The following BCKDK variants were observed in gnomAD, a reference collection of about 807,000 sequenced individuals.
BCKDK encodes branched chain keto acid dehydrogenase kinase, also known as branched-chain alpha-ketoacid dehydrogenase kinase.
In BCKDK, 28 loss-of-function variants were observed where a neutral mutation model predicts 43.9. The ratio of observed to expected loss-of-function variants is 0.64; its 90% CI spans 0.47 to 0.87. The LOEUF (loss-of-function observed/expected upper bound fraction) is 0.87, where lower values mean the gene tolerates loss of function less well. BCKDK is among the 40% of genes least tolerant of loss of function. The pLI is 0.00. For synonymous variants in BCKDK, 257 were observed against 234.3 expected (o/e 1.10, Z -0.88); for missense variants, 483 against 581.4 (o/e 0.83, Z 1.74).
rs2057409287 is a variant in BCKDK at position 31,111,145 on chromosome 16, T to C, written c.771T>C (p.His257=). ...GNAPRVRING[H]VAARFPFIPM... ...CGCCCCGTGTCCGCATCAATGGCCA[T>C]GTGGCTGCCCGGTTCCCCTTCATCC... Residue 257 remains histidine (H), a synonymous_variant, in exon 9 of 12, where the codon CAT becomes CAC. Transcript: ENST00000219794. 5.6e-6 allele frequency: 9 copies of C among 1,614,074 alleles called. No homozygotes were observed. The highest frequency in any genetic ancestry group is 7.6e-6 in the Non-Finnish European group (9 of 1,180,040).
intron 10 of BCKDK, 141 bp downstream of exon 10, chr16:31,111,530 T>A: frequency 1.0e-6 from 1 of 988,908 alleles, no homozygotes; most frequent in Non-Finnish European, 1.5e-6. Flanking sequence ...CTCTGAATCC[T>A]GAGATGGCCA....
chr16:31,114,534 TGA>T (rs1386686928), downstream of BCKDK, among the ~76,000 whole-genome samples: 2 of 152,096 alleles, frequency 1.3e-5, no homozygotes, highest in East Asian at 3.9e-4. Context: ...TTGTAACCTC[TGA>T]GAGACCCATC....
chr16:31,109,687 C>CTCCA lies in BCKDK; in HGVS notation c.279_280insTCCA (p.Leu94SerfsTer35), dbSNP rs746246063. On this transcript the variant is annotated frameshift_variant, in exon 4 of 12. Coordinates refer to ENST00000219794, the MANE Select transcript of BCKDK (RefSeq NM_005881.4). LOFTEE classifies it high-confidence loss of function. The surrounding 1 kb of genome is among the most constrained non-coding windows in gnomAD (Gnocchi z 5.3). ...TTTTCTCCCAGAAAAGTGCTCGGTA[C>CTCCA]CTGCAGCAAGAACTTCCAGTGAGGA... 6.2e-7 allele frequency: 1 copy of CTCCA among 1,614,066 alleles called. No individual in the cohort carries two copies. Among genetic ancestry groups the CTCCA allele is most frequent in the South Asian group, 1.1e-5 (1 of 91,090 alleles).
rs141282419 is a variant in BCKDK at position 31,109,781 on chromosome 16, G to A, written c.373G>A (p.Val125Met). ...TGGCTGCAACCCCACCATACTGCAC[G>A]TGGTAAGGTAGAGAGGACCTTAGGT... is the stretch of plus-strand genomic sequence containing the variant. ...IIGCNPTILH[V>M]HELYIRAFQK... The change falls in exon 4 of 12, where the codon GTG becomes ATG. Residue 125 changes from valine to methionine, a missense_variant and splice_region_variant. Val to Met is a conservative substitution (Grantham distance 21). Transcript: ENST00000219794. The surrounding 1 kb of genome is among the most constrained non-coding windows in gnomAD (Gnocchi z 5.3). 161 of 1,613,498 alleles carry A rather than the reference G, an allele frequency of 1.0e-4. No individual in the cohort carries two copies. The highest frequency in any genetic ancestry group is 1.3e-4 in the Non-Finnish European group (156 of 1,179,910).
At chr16:31,111,749 G>A in intron 10 of BCKDK, 120 bp from the exon 11 acceptor site, 1 of 1,363,838 alleles carries the variant, frequency 7.3e-7, no homozygotes, top group Non-Finnish European at 1.0e-6. Context: ...GGGTCTAGGT[G>A]GACCACATTC....
At chr16:31,113,021 G>A (rs181786552), downstream of BCKDK, among the ~76,000 whole-genome samples, 224 of 152,344 alleles carry the variant, frequency 1.5e-3, 4 homozygotes, top group Middle Eastern at 0.014. Flanking sequence ...CCCTAGCAGG[G>A]ACTGGGTGCC....
chr16:31,109,370 C>A lies in BCKDK; in HGVS notation c.147C>A (p.Thr49=). ...AGATGGCTCGGGAGCGCTCCAAGAC[C>A]GTCACCTCCTTTTACAACCAGTCGG... ...HVEMARERSK[T]VTSFYNQSAI... Residue 49 remains threonine, a synonymous_variant, in exon 2 of 12, where the codon ACC becomes ACA. Transcript: ENST00000219794. The surrounding 1 kb of genome is among the most constrained non-coding windows in gnomAD (Gnocchi z 5.3). The A allele has an allele frequency of 6.2e-7, 1 of 1,608,902 alleles. No individual in the cohort carries two copies. Among genetic ancestry groups the A allele is most frequent in the Admixed American group, 1.7e-5 (1 of 59,650 alleles).
chr16:31,110,796 T>A lies in BCKDK; in HGVS notation c.716+35T>A. 3 of 1,599,144 alleles carry A rather than the reference T, an allele frequency of 1.9e-6. No individual in the cohort carries two copies. The highest frequency in any genetic ancestry group is 2.6e-6 in the Non-Finnish European group (3 of 1,166,468). On this transcript the variant is annotated intron_variant, in intron 8 of 11. Transcript: ENST00000219794. The surrounding 1 kb of genome is among the most constrained non-coding windows in gnomAD (Gnocchi z 5.4). Reference sequence around the variant, plus strand: ...GAATGGCTCAGGGGGTGGGCAGACATCTGGGGCAGGGAAGGCTTGGGTCTG... The same window carrying A: ...GAATGGCTCAGGGGGTGGGCAGACAACTGGGGCAGGGAAGGCTTGGGTCTG...
chr16:31,109,838 G>C lies in BCKDK; in HGVS notation c.375+55G>C, dbSNP rs2057395787. On this transcript the variant is annotated intron_variant, in intron 4 of 11. Coordinates refer to ENST00000219794, the MANE Select transcript of BCKDK (RefSeq NM_005881.4). This position sits in a 1 kb window ranked among gnomAD's most constrained non-coding sequence, Gnocchi z 5.3. The stretch of plus-strand genomic sequence containing the variant: ...GCCACCCTGCCCCGGGGGCAAGTGG[G>C]GAGTCTGGGGCCCAGAGTGGCAGAC... The C allele has an allele frequency of 6.4e-7, 1 of 1,565,410 alleles. No individual in the cohort carries two copies. The highest frequency in any genetic ancestry group is 1.4e-5 in the African/African-American group (1 of 73,918).
rs1017225853 is a variant in BCKDK, at chr16:31,109,449, G to A, written c.195+31G>A. 1 of 1,613,276 alleles carries A rather than the reference G, an allele frequency of 6.2e-7. No homozygotes were observed. The highest frequency in any genetic ancestry group is 8.5e-7 in the Non-Finnish European group (1 of 1,179,670). On this transcript the variant is annotated intron_variant, in intron 2 of 11. Transcript: ENST00000219794. This position sits in a 1 kb window ranked among gnomAD's most constrained non-coding sequence, Gnocchi z 5.3. ...CAAGGGGGCAGCCAGCCCAGGGTCC[G>A]GGATGTAGGCGGGAGGGAGAGTGTT...
In BCKDK at chr16:31,109,394, G is replaced by A; in HGVS notation, c.171G>A (p.Ser57=). The A allele has an allele frequency of 3.1e-6, 5 of 1,607,528 alleles. No homozygotes were observed. The highest frequency in any genetic ancestry group is 2.2e-5 in the South Asian group (2 of 90,790). ...SKTVTSFYNQ[S]AIDAAAEKPS... ...CCGTCACCTCCTTTTACAACCAGTC[G>A]GCCATCGACGCGGCAGCGGAGAAGG... The change falls in exon 2 of 12, where the codon TCG becomes TCA. Residue 57 remains serine (S), a synonymous_variant. Coordinates refer to ENST00000219794, the MANE Select transcript of BCKDK (RefSeq NM_005881.4). The surrounding 1 kb of genome is among the most constrained non-coding windows in gnomAD (Gnocchi z 5.3).
In BCKDK at chr16:31,112,027, G is replaced by A. The variant is rs758812308; in HGVS notation, c.1094G>A (p.Gly365Asp). Residue 365 changes from glycine to aspartate, a missense_variant and splice_region_variant, in exon 11 of 12, where the codon GGC (glycine) becomes GAC (aspartate). By Grantham distance (94) the Gly-to-Asp change is moderately conservative. Transcript: ENST00000219794. This position sits in a 1 kb window ranked among gnomAD's most constrained non-coding sequence, Gnocchi z 5.0. ...HSGAQSGPMH[G>D]FGFGLPTSRA... ...GGCGCCCAGTCAGGACCCATGCACG[G>A]GTGAGACCCTGCCAGGCCAGGATGG... The A allele has an allele frequency of 6.2e-7, 1 of 1,614,036 alleles. No individual in the cohort carries two copies.
chr16:31,113,971 G>A (rs1225700851), downstream of BCKDK, among the ~76,000 whole-genome samples: 1 of 152,218 alleles, frequency 6.6e-6, no homozygotes, highest in East Asian at 1.9e-4. Context: ...TTGAAGGTAA[G>A]AGAGCTAAAC....
chr16:31,110,496 C>T lies in BCKDK; in HGVS notation c.639C>T (p.Asp213=). ...LATHHLALHE[D]KPDFVGIICT... is the part of the protein sequence containing the mutation. ...CGCATCACCTGGCGCTGCATGAGGA[C>T]AAGGTGGGGCTCTGGGACCTGAGAC... Residue 213 remains aspartate (D), a synonymous_variant, in exon 7 of 12, where the codon GAC becomes GAT. Transcript: ENST00000219794. The surrounding 1 kb of genome is among the most constrained non-coding windows in gnomAD (Gnocchi z 5.4). The T allele has an allele frequency of 6.2e-7, 1 of 1,613,760 alleles. No individual in the cohort carries two copies. Among genetic ancestry groups the T allele is most frequent in the South Asian group, 1.1e-5 (1 of 91,078 alleles).
chr16:31,111,964 G>A lies in BCKDK; in HGVS notation c.1031G>A (p.Arg344Gln), dbSNP rs546815456. Reference sequence around the variant, plus strand: ...GCTGAGGCCAGCACACAGGACCCCCGGATCAGCCCCCTCTTTGGCCATCTG... The same window carrying A: ...GCTGAGGCCAGCACACAGGACCCCCAGATCAGCCCCCTCTTTGGCCATCTG... Reference protein sequence around the residue: ...TTAEASTQDPRISPLFGHLDM... With the variant: ...TTAEASTQDPQISPLFGHLDM... Residue 344 changes from arginine (R) to glutamine (Q), a missense_variant, in exon 11 of 12, where the codon CGG becomes CAG. Coordinates refer to ENST00000219794, the MANE Select transcript of BCKDK (RefSeq NM_005881.4). The A allele has an allele frequency of 5.0e-6, 8 of 1,613,964 alleles. No individual in the cohort carries two copies. The highest frequency in any genetic ancestry group is 4.4e-5 in the South Asian group (4 of 91,092).
In BCKDK at chr16:31,109,313, C is replaced by A; in HGVS notation, c.90C>A (p.Arg30=). ...LLGPALALRA[R]STSATDTHHV... is the part of the protein sequence containing the mutation. ...GACCCGCACTCGCGCTCCGGGCCCGCTCGACGTCGGCCACCGACACACACC... is the reference window on the plus strand; with the variant it reads ...GACCCGCACTCGCGCTCCGGGCCCGATCGACGTCGGCCACCGACACACACC... Residue 30 remains arginine (R), a synonymous_variant, in exon 2 of 12, where the codon CGC becomes CGA. Coordinates refer to ENST00000219794, the MANE Select transcript of BCKDK (RefSeq NM_005881.4). This position sits in a 1 kb window ranked among gnomAD's most constrained non-coding sequence, Gnocchi z 5.3. 1 of 1,608,244 alleles carries A rather than the reference C, an allele frequency of 6.2e-7. No individual in the cohort carries two copies. Among genetic ancestry groups the A allele is most frequent in the Non-Finnish European group, 8.5e-7 (1 of 1,177,420 alleles).
In BCKDK at chr16:31,109,984, A is replaced by C; in HGVS notation, c.376-93A>C. ...TGGGGGTTTGATCACGTGGTCGACCAGCTGGGTGGTGATCCCCATGGGTAG... is the reference window on the plus strand; with the variant it reads ...TGGGGGTTTGATCACGTGGTCGACCCGCTGGGTGGTGATCCCCATGGGTAG... On this transcript the variant is annotated intron_variant, in intron 4 of 11. Transcript: ENST00000219794. This position sits in a 1 kb window ranked among gnomAD's most constrained non-coding sequence, Gnocchi z 5.3. 1 of 1,561,306 alleles carries C rather than the reference A, an allele frequency of 6.4e-7. No homozygotes were observed.
At chr16:31,117,522 T>A, downstream of BCKDK, 1 of 522,272 alleles carries the variant, frequency 1.9e-6, no homozygotes, top group Non-Finnish European at 3.1e-6. Context: ...ACACTCAACA[T>A]CCAACTCGCG....
Position 31,110,163 on chromosome 16 carries a change from T to A in BCKDK, c.423+39T>A. 1 of 1,614,022 alleles carries A rather than the reference T, an allele frequency of 6.2e-7. No individual in the cohort carries two copies. The highest frequency in any genetic ancestry group is 8.5e-7 in the Non-Finnish European group (1 of 1,179,982). ...CAGAGCAGGGTGAGGGGCTGAGAGG[T>A]TGGGCTTGGACCACCCTTCCTCATG... On this transcript the variant is annotated intron_variant, in intron 5 of 11. Coordinates refer to ENST00000219794, the MANE Select transcript of BCKDK (RefSeq NM_005881.4). The surrounding 1 kb of genome is among the most constrained non-coding windows in gnomAD (Gnocchi z 5.4).
Sources: gnomAD v4.1 joint callset for allele counts (sites outside exome capture counted in the v4.1 genomes callset) on GRCh38, gnomAD v4.1.1 for gene constraint, Gnocchi (gnomAD v3.1) non-coding constraint, MANE v1.5 for transcripts, NCBI Gene and HGNC (gene_info 2026-07-23, HGNC 2026-07-21) for gene names.